Variants in GRB10 observed in about 807,000 individuals in gnomAD.
The protein encoded by GRB10 is growth factor receptor-bound protein 10.
GRB10 carries 20 observed loss-of-function variants against 80.9 expected under a neutral mutation model. The observed-to-expected ratio is 0.25, with a 90% CI of 0.17 to 0.36. The LOEUF is 0.36. Ranked by LOEUF, GRB10 falls within the 10% of genes least tolerant of loss-of-function variation. The pLI is 1.00. For missense variants in GRB10, 548 were observed against 747.7 expected, an observed-to-expected ratio of 0.73 and a Z score of 3.12; for synonymous variants, 291 against 291.5, an observed-to-expected ratio of 1.00 and a Z score of 0.02.
intron 14 of GRB10, 36 bp from the exon 15 acceptor site, chr7:50,605,442 G>T: frequency 6.6e-7 from 1 of 1,515,480 alleles, no homozygotes; most frequent in East Asian, 2.3e-5. Context: ...AAAATGCAGG[G>T]AAATAAGGCA....
At chr7:50,761,244 A>G (rs2075733191) in intron 2 of GRB10, among the ~76,000 whole-genome samples, 1 of 152,240 alleles carries the variant, frequency 6.6e-6, no homozygotes, top group South Asian at 2.1e-4. Flanking sequence ...ATTTTAATAA[A>G]ATATCATTTC....
chr7:50,729,434 A>G (rs1461377707), intron 4 of GRB10: 1 of 152,124 alleles, frequency 6.6e-6, no homozygotes, highest in East Asian at 1.9e-4. Context: ...TATTTACCAT[A>G]ATTTTGTCAT....
At chr7:50,757,631 C>T (rs911986048) in intron 2 of GRB10, among the ~76,000 whole-genome samples, 6 of 152,172 alleles carry the variant, frequency 3.9e-5, no homozygotes, top group African/African-American at 9.7e-5. Context: ...ATGATTATGT[C>T]GACTAGAATA....
At chr7:50,677,113 C>G (rs568840059) in intron 5 of GRB10, among the ~76,000 whole-genome samples, 1 of 152,068 alleles carries the variant, frequency 6.6e-6, no homozygotes, top group Non-Finnish European at 1.5e-5. Flanking sequence ...TGAGACGCAG[C>G]AAGCAGGGCC....
chr7:50,598,952 CA>C (rs1180503584), intron 17 of GRB10, among the ~76,000 whole-genome samples: 11 of 130,982 alleles, frequency 8.4e-5, no homozygotes, highest in South Asian at 5.1e-4. Context: ...GTGGGCATGG[CA>C]GGGGGGGCAT....
At chr7:50,766,381 G>A (rs376114286) in intron 2 of GRB10, among the ~76,000 whole-genome samples, 2 of 151,936 alleles carry the variant, frequency 1.3e-5, no homozygotes, top group Non-Finnish European at 2.9e-5. Context: ...GGCAGCTTCT[G>A]GAAATACTGA....
At chr7:50,609,715 CAGAG>C (rs2049171114) in intron 13 of GRB10, among the ~76,000 whole-genome samples, 2 of 152,138 alleles carry the variant, frequency 1.3e-5, no homozygotes, top group Non-Finnish European at 1.5e-5. Context: ...TTCTAGAAGA[CAGAG>C]GGAGGAGGAA....
In GRB10 at chr7:50,598,520, A is replaced by G. The variant is rs148546863; in HGVS notation, c.1545-2990T>C. ...AGGACCCGACAGTGATCAGAGTACA[A>G]TCTAGACCACGTTTACAAGCAAGAC... On this transcript the variant is annotated intron_variant, in intron 17 of 18. Coordinates refer to ENST00000401949, the MANE Select transcript of GRB10 (RefSeq NM_001350814.2). 1.2e-3 allele frequency among the ~76,000 whole-genome samples: 185 copies of G among 152,312 alleles called. 1 individual carries two copies. Among genetic ancestry groups the G allele is most frequent in the Non-Finnish European group, 2.5e-3 (170 of 68,030 alleles).
intron 7 of GRB10, among the ~76,000 whole-genome samples, chr7:50,639,629 C>T (rs572555189): frequency 3.3e-5 from 5 of 151,580 alleles, no homozygotes; most frequent in East Asian, 1.9e-4. Flanking sequence ...GCCGAGATTG[C>T]GCCACTGCAC....
exon 1 of GRB10, chr7:50,793,297 T>C (rs952079097): frequency 2.2e-5 from 3 of 135,342 alleles, no homozygotes; most frequent in East Asian, 2.4e-4. Context: ...CGGGCGCGGG[T>C]CCCCGCGGGG....
intron 7 of GRB10, among the ~76,000 whole-genome samples, chr7:50,657,162 T>C (rs2058729784): frequency 6.6e-6 from 1 of 152,212 alleles, no homozygotes; most frequent in African/African-American, 2.4e-5. Context: ...TCTAAAATTA[T>C]ATCCACCTTT....
chr7:50,616,173 A>G, intron 11 of GRB10, 37 bp downstream of exon 11: 1 of 1,613,970 alleles, frequency 6.2e-7, no homozygotes, highest in South Asian at 1.1e-5. Flanking sequence ...TGACTGTGGC[A>G]GAATTAGGGC....
At chr7:50,773,232 C>A (rs1295617481) in intron 2 of GRB10, among the ~76,000 whole-genome samples, 1 of 151,820 alleles carries the variant, frequency 6.6e-6, no homozygotes, top group East Asian at 1.9e-4. Context: ...CCCACCAGGT[C>A]CCTCCCATAG....
At chr7:50,754,032 A>C (rs574713961) in intron 3 of GRB10, among the ~76,000 whole-genome samples, 5 of 152,298 alleles carry the variant, frequency 3.3e-5, no homozygotes, top group African/African-American at 1.2e-4. Context: ...TATGTCACCA[A>C]TGAAGGATCT....
chr7:50,631,991 A>C (rs1027958013), intron 7 of GRB10, among the ~76,000 whole-genome samples: 4 of 152,158 alleles, frequency 2.6e-5, no homozygotes, highest in African/African-American at 9.7e-5. Context: ...GCTTCACACA[A>C]AAAGGCTTTT....
At chr7:50,778,658 G>T (rs1389438514) in intron 2 of GRB10, among the ~76,000 whole-genome samples, 1 of 152,302 alleles carries the variant, frequency 6.6e-6, no homozygotes, top group East Asian at 1.9e-4. Context: ...GTAGGGTCGG[G>T]CTAACGCTGA....
At chr7:50,745,374 A>C (rs1231242058) in intron 3 of GRB10, among the ~76,000 whole-genome samples, 3 of 152,228 alleles carry the variant, frequency 2.0e-5, no homozygotes, top group Non-Finnish European at 4.4e-5. Flanking sequence ...ATTCTTACAA[A>C]TTACCGAATG....
At chr7:50,756,278 T>C (rs1205996961) in intron 2 of GRB10, among the ~76,000 whole-genome samples, 2 of 152,238 alleles carry the variant, frequency 1.3e-5, no homozygotes, top group African/African-American at 4.8e-5. Flanking sequence ...AGAGGGAAGA[T>C]GCACTGGGCT....
chr7:50,673,953 G>C (rs1021325481), intron 6 of GRB10, among the ~76,000 whole-genome samples: 1 of 152,136 alleles, frequency 6.6e-6, no homozygotes, highest in Non-Finnish European at 1.5e-5. Flanking sequence ...CAGCCTCCCT[G>C]TTTCCACAGA....
Sources: gnomAD v4.1 joint callset for allele counts (sites outside exome capture counted in the v4.1 genomes callset) on GRCh38, gnomAD v4.1.1 for gene constraint, MANE v1.5 for transcripts, NCBI Gene and HGNC (gene_info 2026-07-23, HGNC 2026-07-21) for gene names.